ANKRD44: variants seen among roughly 807,000 people sequenced by gnomAD.
ANKRD44 encodes ankyrin repeat domain 44.
Under a neutral mutation model 116.0 loss-of-function variants are expected in ANKRD44, and 35 were observed. That is an observed-to-expected ratio of 0.30 (90% CI 0.23 to 0.40). The LOEUF (loss-of-function observed/expected upper bound fraction) is 0.40, where lower values mean the gene tolerates loss of function less well. ANKRD44 is among the 10% of genes least tolerant of loss of function. ANKRD44 has a pLI of 1.00. For synonymous variants in ANKRD44, 435 were observed against 461.8 expected, an observed-to-expected ratio of 0.94 and a Z score of 0.74; for missense variants, 1,014 against 1,242.6, an observed-to-expected ratio of 0.82 and a Z score of 2.77.
chr2:197,061,398 T>C (rs970423015), intron 16 of ANKRD44, among the ~76,000 whole-genome samples: 12 of 152,202 alleles, frequency 7.9e-5, no homozygotes, highest in Admixed American at 7.9e-4. Context: ...GCCCCTGCAC[T>C]GTCATGAGTG....
At chr2:197,237,089 C>G (rs528831094) in intron 1 of ANKRD44, among the ~76,000 whole-genome samples, 8 of 152,266 alleles carry the variant, frequency 5.3e-5, no homozygotes, top group African/African-American at 1.9e-4. Context: ...AGAGCAAACT[C>G]GACTCCTTTA....
rs1037954015 is a variant in ANKRD44, at chr2:197,004,268, A to G, written c.2347+1426T>C. Among the ~76,000 whole-genome samples the G allele has an allele frequency of 3.3e-5, 5 of 152,210 alleles. No homozygotes were observed. In the East Asian group the frequency reaches 9.6e-4, roughly 29 times the overall value. ...TATTCAATACATATTTGTTGAAAAT[A>G]TAATAGAAATGTATCTCTGTAACTG... On this transcript the variant is annotated intron_variant, in intron 21 of 27. Transcript: ENST00000282272.
At chr2:197,147,328 A>G (rs1036109636) in intron 2 of ANKRD44, among the ~76,000 whole-genome samples, 5 of 151,794 alleles carry the variant, frequency 3.3e-5, no homozygotes, top group African/African-American at 1.2e-4. Context: ...GTATTTGCCC[A>G]CTTGCTGCTT....
At chr2:197,147,796 A>C (rs1165438630) in intron 2 of ANKRD44, 21 of 435,296 alleles carry the variant, frequency 4.8e-5, no homozygotes, top group South Asian at 3.1e-4. Flanking sequence ...GTATGGGATT[A>C]AGTGATTCAG....
chr2:197,034,049 C>CCAGAGAGAGAGA (rs1491563139), intron 16 of ANKRD44, among the ~76,000 whole-genome samples: 5 of 13,276 alleles, frequency 3.8e-4, no homozygotes, highest in Non-Finnish European at 8.2e-4. Flanking sequence ...CATATGAGGG[C>CCAGAGAGAGAGA]TAGAGAGAGA....
intron 23 of ANKRD44, among the ~76,000 whole-genome samples, chr2:196,999,820 C>T (rs1227271442): frequency 1.3e-5 from 2 of 152,052 alleles, no homozygotes; most frequent in Admixed American, 6.6e-5. Flanking sequence ...GTCTCTATCT[C>T]CTGGCCTCAT....
Position 197,160,824 on chromosome 2 carries a change from C to T in ANKRD44, c.112-13719G>A, listed in dbSNP as rs572573310. Among the ~76,000 whole-genome samples, 6 of 152,246 alleles carry T rather than the reference C, an allele frequency of 3.9e-5. No homozygotes were observed. The East Asian group carries it at 1.2e-3, about 29-fold the overall frequency. ...GGATGTTGTACCCTTTCTCTCCTCACCCAAAGCTGAAAACCTTCAAATAAG... is the reference window on the plus strand; with the variant it reads ...GGATGTTGTACCCTTTCTCTCCTCATCCAAAGCTGAAAACCTTCAAATAAG... On this transcript the variant is annotated intron_variant, in intron 2 of 27. Coordinates refer to ENST00000282272, the MANE Select transcript of ANKRD44 (RefSeq NM_001195144.2).
chr2:197,189,221 A>G (rs776900434), intron 1 of ANKRD44, among the ~76,000 whole-genome samples: 1 of 152,240 alleles, frequency 6.6e-6, no homozygotes, highest in Non-Finnish European at 1.5e-5. Flanking sequence ...GGATATTTCA[A>G]TATGCCAGGA....
At chr2:197,294,892 C>G (rs2083673604) in intron 1 of ANKRD44, among the ~76,000 whole-genome samples, 1 of 152,138 alleles carries the variant, frequency 6.6e-6, no homozygotes, top group Admixed American at 6.5e-5. Flanking sequence ...CTCTCTTCCC[C>G]CATCTTGGCT....
intron 3 of ANKRD44, 116 bp downstream of exon 3, chr2:197,146,911 A>ACAT: frequency 1.3e-6 from 1 of 741,882 alleles, no homozygotes; most frequent in Admixed American, 3.1e-5. Flanking sequence ...CTATCACATA[A>ACAT]ACTTCCATGA....
At chr2:197,269,090 TG>T (rs1215594861) in intron 1 of ANKRD44, among the ~76,000 whole-genome samples, 1 of 102,048 alleles carries the variant, frequency 9.8e-6, no homozygotes, top group Non-Finnish European at 2.5e-5. Context: ...TTTTTGTTTT[TG>T]TTTTTGATCT....
intron 16 of ANKRD44, among the ~76,000 whole-genome samples, chr2:197,068,379 G>T (rs182315881): frequency 0.12 from 6,081 of 50,860 alleles, 147 homozygotes; most frequent in Non-Finnish European, 0.22. Flanking sequence ...ATAAAAAAAA[G>T]AAAAAAATAA....
chr2:197,067,121 A>G (rs1251750042), intron 16 of ANKRD44, among the ~76,000 whole-genome samples: 10 of 152,222 alleles, frequency 6.6e-5, no homozygotes, highest in African/African-American at 2.4e-4. Context: ...GCCCTCAGAA[A>G]TAATACCACA....
intron 1 of ANKRD44, among the ~76,000 whole-genome samples, chr2:197,257,116 A>G (rs1301082833): frequency 6.6e-6 from 1 of 152,202 alleles, no homozygotes; most frequent in Non-Finnish European, 1.5e-5. Context: ...TTAGTGTTTA[A>G]AATTTCAGGT....
intron 2 of ANKRD44, chr2:197,147,814 G>C (rs955834263): frequency 2.7e-5 from 12 of 448,926 alleles, no homozygotes; most frequent in Non-Finnish European, 4.9e-5. Context: ...CAGGAGATGG[G>C]AATAAGAGTG....
At chr2:197,234,946 A>G (rs1395248774) in intron 1 of ANKRD44, among the ~76,000 whole-genome samples, 1 of 152,200 alleles carries the variant, frequency 6.6e-6, no homozygotes, top group East Asian at 1.9e-4. Flanking sequence ...GAGGGTTAAC[A>G]GGCTAGACTC....
chr2:197,023,643 G>T (rs2076538794), intron 17 of ANKRD44, among the ~76,000 whole-genome samples: 1 of 152,138 alleles, frequency 6.6e-6, no homozygotes, highest in South Asian at 2.1e-4. Context: ...TTAGTAGCAG[G>T]CTTGGCAATG....
chr2:197,271,070 T>C (rs1025192447), intron 1 of ANKRD44, among the ~76,000 whole-genome samples: 2 of 152,220 alleles, frequency 1.3e-5, no homozygotes, highest in African/African-American at 4.8e-5. Flanking sequence ...TACTGCCATC[T>C]TGAAATTCTT....
intron 16 of ANKRD44, among the ~76,000 whole-genome samples, chr2:197,044,721 A>C (rs1162767347): frequency 6.6e-6 from 1 of 152,194 alleles, no homozygotes; most frequent in African/African-American, 2.4e-5. Context: ...ATGCCCTTTT[A>C]ATTCTAACAA....
Sources: allele counts gnomAD v4.1 joint callset (sites outside exome capture counted in the v4.1 genomes callset), GRCh38; gene constraint gnomAD v4.1.1; transcripts MANE v1.5; gene names NCBI Gene and HGNC (gene_info 2026-07-23, HGNC 2026-07-21).